The following GRM7 variants were observed in gnomAD, a reference collection of about 807,000 sequenced individuals.
GRM7 encodes metabotropic glutamate receptor 7.
GRM7 carries 35 observed loss-of-function variants against 84.5 expected under a neutral mutation model. The ratio of observed to expected loss-of-function variants is 0.41; its 90% confidence interval spans 0.32 to 0.55. GRM7 has a LOEUF of 0.55. GRM7 is among the 20% of genes least tolerant of loss of function. GRM7 has a pLI of 0.19. For synonymous variants in GRM7, 487 were observed against 455.1 expected, an observed-to-expected ratio of 1.07 and a Z score of -0.89; for missense variants, 1,003 against 1,194.6, an observed-to-expected ratio of 0.84 and a Z score of 2.36.
intron 1 of GRM7, among the ~76,000 whole-genome samples, chr3:6,930,485 A>G (rs1697463769): frequency 6.6e-6 from 1 of 152,200 alleles, no homozygotes; most frequent in Non-Finnish European, 1.5e-5. Context: ...TAATTATAAG[A>G]ACTAAGCCTT....
At chr3:7,222,344 G>T (rs1201103426) in intron 2 of GRM7, among the ~76,000 whole-genome samples, 1 of 151,934 alleles carries the variant, frequency 6.6e-6, no homozygotes, top group Non-Finnish European at 1.5e-5. Context: ...AGGGTGAAAA[G>T]GACCTGACTC....
chr3:7,724,290 T>C (rs1194566405), intron 9 of GRM7, among the ~76,000 whole-genome samples: 1 of 152,212 alleles, frequency 6.6e-6, no homozygotes, highest in African/African-American at 2.4e-5. Context: ...CAACTCACCA[T>C]GCTTGAAACA....
chr3:7,598,290 C>T (rs1696146234), intron 8 of GRM7, among the ~76,000 whole-genome samples: 1 of 152,160 alleles, frequency 6.6e-6, no homozygotes, highest in South Asian at 2.1e-4. Context: ...GGACACATGT[C>T]CTTTGCTTTG....
At chr3:7,437,208 A>G (rs922602670) in intron 5 of GRM7, among the ~76,000 whole-genome samples, 4 of 152,228 alleles carry the variant, frequency 2.6e-5, no homozygotes, top group African/African-American at 9.6e-5. Flanking sequence ...AGAGTGAGAT[A>G]GTGCAGTCTA....
intron 1 of GRM7, among the ~76,000 whole-genome samples, chr3:7,078,113 A>G (rs564425977): frequency 2.0e-4 from 30 of 152,268 alleles, no homozygotes; most frequent in African/African-American, 6.7e-4. Context: ...AACCCTGATG[A>G]AAAGAGAAGG....
At chr3:7,371,116 A>G (rs953422679) in intron 4 of GRM7, among the ~76,000 whole-genome samples, 2 of 152,206 alleles carry the variant, frequency 1.3e-5, no homozygotes, top group Non-Finnish European at 2.9e-5. Context: ...CCCAGGCTAT[A>G]TATTCTAAGA....
At chr3:7,406,218 C>A (rs955799349) in intron 4 of GRM7, among the ~76,000 whole-genome samples, 1 of 151,836 alleles carries the variant, frequency 6.6e-6, no homozygotes, top group Non-Finnish European at 1.5e-5. Flanking sequence ...AAGAATCTAT[C>A]GGCCGGGCGT....
intron 7 of GRM7, among the ~76,000 whole-genome samples, chr3:7,510,585 A>G (rs1438355406): frequency 6.6e-6 from 1 of 152,144 alleles, no homozygotes; most frequent in Non-Finnish European, 1.5e-5. Context: ...AGGCAACAAA[A>G]ATTGGCTTGG....
chr3:7,192,634 G>A (rs1575014233), intron 2 of GRM7, among the ~76,000 whole-genome samples: 2 of 151,992 alleles, frequency 1.3e-5, no homozygotes, highest in South Asian at 4.1e-4. Context: ...CTTCAGTTCC[G>A]ATTTGTCCCT....
At chr3:7,434,007 CTT>C (rs1299347084) in intron 5 of GRM7, among the ~76,000 whole-genome samples, 1 of 70,336 alleles carries the variant, frequency 1.4e-5, no homozygotes, top group Non-Finnish European at 3.2e-5. Flanking sequence ...TGATTTCTCT[CTT>C]GTTTTCTTAT....
chr3:7,385,564 T>C (rs1282678922), intron 4 of GRM7, among the ~76,000 whole-genome samples: 3 of 152,112 alleles, frequency 2.0e-5, no homozygotes, highest in Non-Finnish European at 4.4e-5. Context: ...CCTCCGAAAG[T>C]GCTGGGATTA....
chr3:7,160,221 T>G (rs1263376349), intron 2 of GRM7, among the ~76,000 whole-genome samples: 3 of 152,136 alleles, frequency 2.0e-5, no homozygotes, highest in African/African-American at 7.2e-5. Context: ...TGGGCCAGTC[T>G]ATATTCCTTC....
At chr3:7,169,838 A>T (rs1694924900) in intron 2 of GRM7, among the ~76,000 whole-genome samples, 1 of 152,254 alleles carries the variant, frequency 6.6e-6, no homozygotes, top group Non-Finnish European at 1.5e-5. Context: ...TACCCAAGAT[A>T]TAATAGTTCC....
rs552410465 is a variant in GRM7 at position 6,862,805 on chromosome 3, G to C, written c.519+898G>C. On this transcript the variant is annotated intron_variant, in intron 1 of 9. Coordinates refer to ENST00000357716, the MANE Select transcript of GRM7 (RefSeq NM_000844.4). The surrounding 1 kb of genome is among the most constrained non-coding windows in gnomAD (Gnocchi z 5.2). ...GCTTGGAGGACGATTCCCGGAGCGA[G>C]GCATGAAGGCGCCCGTTGGGAGGCA... is the stretch of plus-strand genomic sequence containing the variant. The C allele has an allele frequency of 3.2e-6, 1 of 310,730 alleles. No individual in the cohort carries two copies. The highest frequency in any genetic ancestry group is 2.3e-5 in the South Asian group (1 of 42,878). 19.2% of individuals were successfully genotyped at this position (310,730 alleles called of 1,614,324 possible).
At chr3:7,235,476 C>G (rs9812897) in intron 2 of GRM7, among the ~76,000 whole-genome samples, 54,189 of 152,040 alleles carry the variant, frequency 0.36, 9,923 homozygotes, top group Middle Eastern at 0.5. Flanking sequence ...CTAGGTTCCC[C>G]ATTATGCCCA....
intron 7 of GRM7, among the ~76,000 whole-genome samples, chr3:7,506,250 A>G (rs1360100706): frequency 2.0e-5 from 3 of 152,118 alleles, no homozygotes; most frequent in African/African-American, 4.8e-5. Context: ...TCTCATTTCC[A>G]TCTGAGACCT....
At chr3:7,641,390 C>A (rs1257439319) in intron 8 of GRM7, among the ~76,000 whole-genome samples, 3 of 152,074 alleles carry the variant, frequency 2.0e-5, no homozygotes, top group Non-Finnish European at 4.4e-5. Flanking sequence ...TATTATATGA[C>A]AAACTAAGAA....
chr3:7,115,998 A>G (rs991037776), intron 1 of GRM7, among the ~76,000 whole-genome samples: 9 of 152,274 alleles, frequency 5.9e-5, no homozygotes, highest in Non-Finnish European at 1.0e-4. Flanking sequence ...AGATTCTTCC[A>G]GAGGGCTCTT....
At chr3:7,722,632 A>T (rs1575669995) in intron 9 of GRM7, among the ~76,000 whole-genome samples, 1 of 151,984 alleles carries the variant, frequency 6.6e-6, no homozygotes, top group Non-Finnish European at 1.5e-5. Flanking sequence ...TAGTAGAGAC[A>T]GGGGTTCACC....
Sources: allele counts gnomAD v4.1 joint callset (sites outside exome capture counted in the v4.1 genomes callset), GRCh38; gene constraint gnomAD v4.1.1; non-coding constraint Gnocchi (gnomAD v3.1); transcripts MANE v1.5; gene names NCBI Gene and HGNC (gene_info 2026-07-23, HGNC 2026-07-21).